The following COL23A1 variants were observed in gnomAD, a reference collection of about 807,000 sequenced individuals.
COL23A1 encodes the protein collagen alpha-1(XXIII) chain.
A neutral mutation model predicts 99.3 loss-of-function variants in COL23A1; 97 were observed. The ratio of observed to expected loss-of-function variants is 0.98; its 90% CI spans 0.83 to 1.16. COL23A1 has a LOEUF of 1.16. Ranked by LOEUF, COL23A1 falls within the 50% of genes most tolerant of loss-of-function variation. COL23A1 has a pLI of 0.00. For synonymous variants in COL23A1, 320 were observed against 308.2 expected (o/e 1.04, Z -0.40); for missense variants, 762 against 757.4 (o/e 1.01, Z -0.07).
At chr5:178,339,810 T>C (rs888364029) in intron 2 of COL23A1, among the ~76,000 whole-genome samples, 2 of 152,190 alleles carry the variant, frequency 1.3e-5, no homozygotes, top group Admixed American at 6.5e-5. Context: ...CAGCTCTAGC[T>C]GCTTTTCCCC....
intron 2 of COL23A1, among the ~76,000 whole-genome samples, chr5:178,538,243 C>T (rs1396743078): frequency 6.6e-6 from 1 of 152,224 alleles, no homozygotes; most frequent in Non-Finnish European, 1.5e-5. Flanking sequence ...CAGATTCCCG[C>T]AGAAGCTCAC....
intron 3 of COL23A1, among the ~76,000 whole-genome samples, chr5:178,302,826 T>C (rs1758145704): frequency 6.6e-6 from 1 of 152,232 alleles, no homozygotes; most frequent in Admixed American, 6.5e-5. Flanking sequence ...AAGCAAGCTG[T>C]GCATAGGTCA....
intron 5 of COL23A1, among the ~76,000 whole-genome samples, chr5:178,273,965 C>T (rs1756442426): frequency 6.6e-6 from 1 of 152,206 alleles, no homozygotes; most frequent in Non-Finnish European, 1.5e-5. Context: ...AGGGGATGGA[C>T]CCTGCCCACA....
intron 2 of COL23A1, among the ~76,000 whole-genome samples, chr5:178,531,418 C>A (rs891573887): frequency 2.0e-5 from 3 of 152,276 alleles, no homozygotes; most frequent in Admixed American, 1.3e-4. Flanking sequence ...TCATTCCAAA[C>A]CCCCTGTGGC....
At chr5:178,418,566 C>G (rs1765432289) in intron 2 of COL23A1, among the ~76,000 whole-genome samples, 1 of 152,266 alleles carries the variant, frequency 6.6e-6, no homozygotes, top group African/African-American at 2.4e-5. Flanking sequence ...GCCACCTACT[C>G]AACCCCCACT....
At chr5:178,312,572 C>G (rs1027554089) in intron 2 of COL23A1, among the ~76,000 whole-genome samples, 12 of 151,978 alleles carry the variant, frequency 7.9e-5, no homozygotes, top group African/African-American at 2.9e-4. Context: ...AGTGGCTCCC[C>G]CCGCCCAGCC....
intron 2 of COL23A1, among the ~76,000 whole-genome samples, chr5:178,442,503 G>T (rs1393427648): frequency 6.6e-6 from 1 of 152,162 alleles, no homozygotes; most frequent in African/African-American, 2.4e-5. Context: ...AACATGATAG[G>T]CCCGAGCGTC....
chr5:178,409,017 C>T (rs902789821), intron 2 of COL23A1, among the ~76,000 whole-genome samples: 1 of 134,996 alleles, frequency 7.4e-6, no homozygotes, highest in African/African-American at 2.8e-5. Flanking sequence ...CACACACACA[C>T]ACACATCATG....
At chr5:178,498,918 T>C (rs1304113510) in intron 2 of COL23A1, among the ~76,000 whole-genome samples, 1 of 129,758 alleles carries the variant, frequency 7.7e-6, no homozygotes, top group Non-Finnish European at 1.7e-5. Context: ...TGAAACCCCA[T>C]CTCTTCTAAA....
rs141855460 is a variant in COL23A1 at position 178,348,593 on chromosome 5, G to A, written c.362-41674C>T. On this transcript the variant is annotated intron_variant, in intron 2 of 28. Transcript: ENST00000390654. ...CTTCCCTGCTAACAAAGTGCCTCAC[G>A]CCCATTTACTACCTGGCTTCTGGGC... Among the ~76,000 whole-genome samples, 10 of 152,292 alleles carry A rather than the reference G, an allele frequency of 6.6e-5. No homozygotes were observed. In the East Asian group the frequency reaches 7.8e-4, roughly 12 times the overall value.
chr5:178,379,104 C>T (rs893944126), intron 2 of COL23A1, among the ~76,000 whole-genome samples: 1 of 152,076 alleles, frequency 6.6e-6, no homozygotes, highest in Non-Finnish European at 1.5e-5. Context: ...GAATTCTGCA[C>T]ACGTCAAGCT....
chr5:178,416,366 T>C (rs974459994), intron 2 of COL23A1, among the ~76,000 whole-genome samples: 4 of 152,188 alleles, frequency 2.6e-5, no homozygotes, highest in African/African-American at 9.6e-5. Flanking sequence ...GCCTCCATCG[T>C]GGCTGACCGG....
intron 1 of COL23A1, among the ~76,000 whole-genome samples, chr5:178,585,236 C>T (rs930705459): frequency 1.3e-5 from 2 of 152,290 alleles, no homozygotes; most frequent in African/African-American, 4.8e-5. Flanking sequence ...CCCCGCTCTG[C>T]CCCACCCTCC....
At chr5:178,283,778 G>C (rs6879015) in intron 5 of COL23A1, among the ~76,000 whole-genome samples, 31,633 of 152,222 alleles carry the variant, frequency 0.21, 4,148 homozygotes, top group Non-Finnish European at 0.29. Context: ...ATGAGTGACA[G>C]GTGGTTTCAT....
At chr5:178,359,528 C>CA (rs1177389970) in intron 2 of COL23A1, among the ~76,000 whole-genome samples, 3 of 151,730 alleles carry the variant, frequency 2.0e-5, no homozygotes, top group Admixed American at 6.6e-5. Flanking sequence ...ACTCTTGTCT[C>CA]AAAAAAAAGA....
chr5:178,242,006 A>G (rs1764426765), intron 27 of COL23A1, 36 bp downstream of exon 27: 2 of 1,521,860 alleles, frequency 1.3e-6, no homozygotes, highest in Non-Finnish European at 1.8e-6. Context: ...CTGGAGGCCA[A>G]AAAGACCTGG....
chr5:178,327,861 G>A (rs1051748785), intron 2 of COL23A1, among the ~76,000 whole-genome samples: 10 of 152,148 alleles, frequency 6.6e-5, no homozygotes, highest in South Asian at 4.1e-4. Flanking sequence ...AGAGCTACCC[G>A]AACAGTCCTG....
rs867471123 is a variant in COL23A1 at position 178,357,944 on chromosome 5, G to A, written c.362-51025C>T. 1.1e-3 allele frequency among the ~76,000 whole-genome samples: 163 copies of A among 145,788 alleles called. 1 individual carries two copies. The South Asian group carries it at 0.016, about 14-fold the overall frequency. ...TGTATGTGTGTATGTGTATGTATGT[G>A]TGTGTATGTATATGTGTGTATGTGT... On this transcript the variant is annotated intron_variant, in intron 2 of 28. Transcript: ENST00000390654.
chr5:178,314,311 C>T (rs1460303082), intron 2 of COL23A1, among the ~76,000 whole-genome samples: 1 of 152,176 alleles, frequency 6.6e-6, no homozygotes, highest in African/African-American at 2.4e-5. Context: ...TGGGAAAGTC[C>T]TGAAGCCATC....
Sources: gnomAD v4.1 joint callset for allele counts (sites outside exome capture counted in the v4.1 genomes callset) on GRCh38, gnomAD v4.1.1 for gene constraint, MANE v1.5 for transcripts, NCBI Gene and HGNC (gene_info 2026-07-23, HGNC 2026-07-21) for gene names.